STARD9: variants seen among roughly 807,000 people sequenced by gnomAD.
STARD9 encodes stAR-related lipid transfer protein 9.
Under a neutral mutation model 399.8 loss-of-function variants are expected in STARD9, and 346 were observed. The observed-to-expected ratio is 0.87, with a 90% CI of 0.79 to 0.95. The LOEUF is 0.95. Ranked by LOEUF, STARD9 falls within the 40% of genes least tolerant of loss-of-function variation. The pLI, the probability that STARD9 is intolerant of heterozygous loss-of-function variation, is 0.00. For missense variants in STARD9, 5,832 were observed against 5,667.5 expected (o/e 1.03, Z -0.93); for synonymous variants, 2,203 against 2,143.5 (o/e 1.03, Z -0.77).
In STARD9 at chr15:42,688,453, T is replaced by C. The variant is rs753610854; in HGVS notation, c.6875T>C (p.Val2292Ala). The change falls in exon 23 of 33, where the codon GTG (valine) becomes GCG (alanine). Residue 2292 changes from valine (V) to alanine (A), a missense_variant. By Grantham distance (64) the Val-to-Ala change is moderately conservative. Around this residue, in one of 2 missense-constraint regions of STARD9, gnomAD observed 5,828 missense variants for 5,651.1 expected, o/e 1.03. Coordinates refer to ENST00000290607, the MANE Select transcript of STARD9 (RefSeq NM_020759.3). Reference sequence around the variant, plus strand: ...GGCAGCCTTCAGGAAGAAAATAAAGTGACTCAGAAATTTCCTAGTCTCAGC... The same window carrying C: ...GGCAGCCTTCAGGAAGAAAATAAAGCGACTCAGAAATTTCCTAGTCTCAGC... ...RGGSLQEENK[V>A]TQKFPSLSQL... 2.4e-5 allele frequency: 37 copies of C among 1,537,658 alleles called. 1 individual carries two copies. In the South Asian group the frequency reaches 4.3e-4, roughly 18 times the overall value.
In STARD9 at chr15:42,694,116, C is replaced by T. The variant is rs1314348358; in HGVS notation, c.12538C>T (p.Gln4180Ter). 1 of 1,537,030 alleles carries T rather than the reference C, an allele frequency of 6.5e-7. No homozygotes were observed. Residue 4180 changes from glutamine to a stop codon, truncating the protein, a stop_gained, in exon 23 of 33, where the codon CAA (glutamine) becomes TAA (stop). Transcript: ENST00000290607. LOFTEE classifies it high-confidence loss of function. Reference sequence around the variant, plus strand: ...TGAAAAGCAGGAACAGAGTCCCCCACAACCTCCTAATGACCACAGCCAGGA... The same window carrying T: ...TGAAAAGCAGGAACAGAGTCCCCCATAACCTCCTAATGACCACAGCCAGGA... ...SSEKQEQSPP[Q>*]PPNDHSQDSE...
chr15:42,710,890 G>GCTCTCT (rs34768575), intron 26 of STARD9, among the ~76,000 whole-genome samples: 5 of 133,712 alleles, frequency 3.7e-5, no homozygotes, highest in African/African-American at 6.5e-5. Flanking sequence ...TCACTTGTGC[G>GCTCTCT]CTCTCTCTCT....
chr15:42,686,638 G>A lies in STARD9; in HGVS notation c.5060G>A (p.Ser1687Asn), dbSNP rs908920217. The A allele has an allele frequency of 9.1e-6, 14 of 1,537,306 alleles. No individual in the cohort carries two copies. Among genetic ancestry groups the A allele is most frequent in the Admixed American group, 2.0e-5 (1 of 51,000 alleles). ...KNSAVQPGQL[S>N]PDSHYPLEEE... ...AGTGCAGTCCAGCCAGGGCAATTAA[G>A]TCCCGACAGCCACTACCCACTAGAG... The change falls in exon 23 of 33, where the codon AGT becomes AAT. Residue 1687 changes from serine (S) to asparagine (N), a missense_variant. By Grantham distance (46) the Ser-to-Asn change is conservative. Around this residue, in one of 2 missense-constraint regions of STARD9, gnomAD observed 5,828 missense variants for 5,651.1 expected, o/e 1.03. Coordinates refer to ENST00000290607, the MANE Select transcript of STARD9 (RefSeq NM_020759.3).
In STARD9 at chr15:42,665,806, T is replaced by A; in HGVS notation, c.1275T>A (p.Ser425Arg). The change falls in exon 15 of 33, where the codon AGT becomes AGA. Residue 425 changes from serine (S) to arginine (R), a missense_variant. Coordinates refer to ENST00000290607, the MANE Select transcript of STARD9 (RefSeq NM_020759.3). ...TGCAGAGAAACTTCAGTTCATTGAG[T>A]GATGAAAACCTGAAGGAGCTGGTTC... is the stretch of plus-strand genomic sequence containing the variant. ...SFELRNFSSL[S>R]DENLKELVLQ... 1 of 1,537,174 alleles carries A rather than the reference T, an allele frequency of 6.5e-7. No homozygotes were observed. The highest frequency in any genetic ancestry group is 8.7e-7 in the Non-Finnish European group (1 of 1,146,856).
chr15:42,667,251 C>T (rs1189836917), intron 15 of STARD9, among the ~76,000 whole-genome samples: 1 of 152,168 alleles, frequency 6.6e-6, no homozygotes, highest in Non-Finnish European at 1.5e-5. Flanking sequence ...ATGGTGCGAT[C>T]TCAGCTCACT....
chr15:42,712,677 T>C (rs1160521942), intron 26 of STARD9, among the ~76,000 whole-genome samples: 6 of 152,298 alleles, frequency 3.9e-5, no homozygotes, highest in Admixed American at 2.6e-4. Context: ...TTGATCTACA[T>C]ATCTATCCTT....
intron 3 of STARD9, among the ~76,000 whole-genome samples, chr15:42,615,478 G>A (rs146274831): frequency 6.6e-6 from 1 of 152,006 alleles, no homozygotes; most frequent in East Asian, 1.9e-4. Flanking sequence ...GAATATGACA[G>A]CATCCCATTT....
At chr15:42,717,662 A>AGACT in intron 28 of STARD9, 69 bp from the exon 29 acceptor site, 1 of 1,368,480 alleles carries the variant, frequency 7.3e-7, no homozygotes, top group South Asian at 1.2e-5. Context: ...GATGCAGGCC[A>AGACT]GACTGACTAA....
At chr15:42,587,258 T>C (rs1426572394) in intron 3 of STARD9, among the ~76,000 whole-genome samples, 6 of 152,222 alleles carry the variant, frequency 3.9e-5, no homozygotes, top group Admixed American at 2.0e-4. Flanking sequence ...CTGAAGATGA[T>C]TGAATATTTC....
intron 3 of STARD9, among the ~76,000 whole-genome samples, chr15:42,625,542 C>T (rs1229360794): frequency 2.0e-5 from 3 of 151,634 alleles, no homozygotes; most frequent in African/African-American, 4.9e-5. Context: ...GTTGGCCAGG[C>T]TGGTCTCGAA....
chr15:42,575,635 TG>T lies in STARD9; in HGVS notation c.-77del. ...GCGCGTGGGGCGGGCGGGGCTGGGT[TG>T]GGGCTGTGTCTGGGCTTAGGGCGGG... On this transcript the variant is annotated 5_prime_UTR_variant, in exon 1 of 33. Coordinates refer to ENST00000290607, the MANE Select transcript of STARD9 (RefSeq NM_020759.3). The T allele has an allele frequency of 6.8e-7, 1 of 1,465,022 alleles. No homozygotes were observed. Among genetic ancestry groups the T allele is most frequent in the Non-Finnish European group, 9.2e-7 (1 of 1,084,866 alleles). 90.8% of individuals were successfully genotyped at this position (1,465,022 alleles called of 1,614,324 possible).
intron 15 of STARD9, among the ~76,000 whole-genome samples, chr15:42,668,302 A>G (rs926577256): frequency 5.9e-5 from 9 of 152,194 alleles, no homozygotes; most frequent in Non-Finnish European, 1.2e-4. Context: ...AGGGTACATA[A>G]AGCACTTGTA....
rs2059781245 is a variant in STARD9 at position 42,652,441 on chromosome 15, C to G, written c.630-79C>G. On this transcript the variant is annotated intron_variant, in intron 8 of 32. Coordinates refer to ENST00000290607, the MANE Select transcript of STARD9 (RefSeq NM_020759.3). ...TCGGTGAACCTCAGCACTAACATTTCTTGTATTCTGTATGGATCCTTAAGA... is the reference window on the plus strand; with the variant it reads ...TCGGTGAACCTCAGCACTAACATTTGTTGTATTCTGTATGGATCCTTAAGA... 3 of 1,205,178 alleles carry G rather than the reference C, an allele frequency of 2.5e-6. No homozygotes were observed. The East Asian group carries it at 7.6e-5, about 31-fold the overall frequency. 74.7% of individuals were successfully genotyped at this position (1,205,178 alleles called of 1,614,324 possible). A position where few individuals can be genotyped will look rare whatever the true frequency, so the allele number is the denominator to read the frequency against.
At position 42,684,319 on chromosome 15, in the gene STARD9, G is replaced by C. The variant is rs1280651115; in HGVS notation, c.2741G>C (p.Gly914Ala). Residue 914 changes from glycine to alanine, a missense_variant, in exon 23 of 33, where the codon GGA becomes GCA. Gly to Ala is a moderately conservative substitution (Grantham distance 60). Coordinates refer to ENST00000290607, the MANE Select transcript of STARD9 (RefSeq NM_020759.3). ...GCCAGAGCAGCCTTGGCCAGGAAGG[G>C]AGCCTCAGCTCCAGACGCTTGCCTC... ...CTARAALARK[G>A]ASAPDACLTM... 2.0e-6 allele frequency: 3 copies of C among 1,536,718 alleles called. No individual in the cohort carries two copies. Among genetic ancestry groups the C allele is most frequent in the East Asian group, 2.4e-5 (1 of 40,910 alleles).
rs1273826826 is a variant in STARD9 at position 42,690,461 on chromosome 15, T to C, written c.8883T>C (p.Pro2961=). 6.5e-7 allele frequency: 1 copy of C among 1,537,246 alleles called. No individual in the cohort carries two copies. Among genetic ancestry groups the C allele is most frequent in the South Asian group, 1.2e-5 (1 of 84,062 alleles). Residue 2961 remains proline (P), a synonymous_variant, in exon 23 of 33, where the codon CCT becomes CCC. Coordinates refer to ENST00000290607, the MANE Select transcript of STARD9 (RefSeq NM_020759.3). ...GCCGACAGCCATGCAGTTCTCAACC[T>C]GTTGCTACTCATGCTTATTCCTCCC... ...LPCRQPCSSQ[P]VATHAYSSHS...
chr15:42,615,042 TC>T (rs1421563045), intron 3 of STARD9, among the ~76,000 whole-genome samples: 1 of 140,896 alleles, frequency 7.1e-6, no homozygotes, highest in African/African-American at 2.6e-5. Flanking sequence ...GGAGTCTTGC[TC>T]TGTCGTCCAG....
chr15:42,657,162 G>A (rs1222106124), intron 9 of STARD9, among the ~76,000 whole-genome samples: 2 of 151,998 alleles, frequency 1.3e-5, no homozygotes, highest in East Asian at 3.9e-4. Flanking sequence ...TTTGAGACCA[G>A]CCTGGCCAAC....
chr15:42,611,187 A>C (rs1221585150), intron 3 of STARD9, among the ~76,000 whole-genome samples: 1 of 152,184 alleles, frequency 6.6e-6, no homozygotes, highest in African/African-American at 2.4e-5. Flanking sequence ...GAAAGTAAAG[A>C]TTTTTTGAAA....
At chr15:42,595,803 G>A (rs1299589379) in intron 3 of STARD9, among the ~76,000 whole-genome samples, 1 of 152,196 alleles carries the variant, frequency 6.6e-6, no homozygotes, top group African/African-American at 2.4e-5. Flanking sequence ...ATCAGATGGG[G>A]CTCTGCAGAG....
Sources: allele counts gnomAD v4.1 joint callset (sites outside exome capture counted in the v4.1 genomes callset), GRCh38; gene constraint gnomAD v4.1.1; regional missense constraint gnomAD v4.1.1; transcripts MANE v1.5; gene names NCBI Gene and HGNC (gene_info 2026-07-23, HGNC 2026-07-21).